Variants in HYCC2 observed in about 807,000 individuals in gnomAD.
HYCC2 encodes hyccin 2.
chr2:200,991,730 G>GT, the HYCC2 span, among the ~76,000 whole-genome samples: 1 of 148,804 alleles, frequency 6.7e-6, no homozygotes, highest in Non-Finnish European at 1.5e-5. Flanking sequence ...GAGAGACTTC[G>GT]TATCAAAAAC....
the HYCC2 span, chr2:201,009,185 G>A: frequency 1.5e-6 from 1 of 648,196 alleles, no homozygotes; most frequent in Non-Finnish European, 2.6e-6. Flanking sequence ...ATAAAAGGCA[G>A]TTTTGGATCA....
chr2:201,029,790 G>A, the HYCC2 span, among the ~76,000 whole-genome samples: 1 of 152,112 alleles, frequency 6.6e-6, no homozygotes, highest in Admixed American at 6.6e-5. Context: ...GAGGTGGGGG[G>A]ATGGGGGAAG....
the HYCC2 span, among the ~76,000 whole-genome samples, chr2:201,026,025 G>A: frequency 6.6e-6 from 1 of 152,108 alleles, no homozygotes; most frequent in Non-Finnish European, 1.5e-5. Context: ...CTGGCAAATT[G>A]GATAAAGAGT....
At chr2:201,013,783 T>C in the HYCC2 span, among the ~76,000 whole-genome samples, 2 of 152,244 alleles carry the variant, frequency 1.3e-5, no homozygotes, top group African/African-American at 4.8e-5. Context: ...TTAATTTTAT[T>C]CTTAAATTTC....
chr2:201,043,804 G>A, the HYCC2 span, among the ~76,000 whole-genome samples: 1 of 152,082 alleles, frequency 6.6e-6, no homozygotes, highest in Non-Finnish European at 1.5e-5. Flanking sequence ...CACCGCGCCT[G>A]GCCAAACATG....
At chr2:201,000,111 C>G in the HYCC2 span, among the ~76,000 whole-genome samples, 2 of 145,954 alleles carry the variant, frequency 1.4e-5, no homozygotes, top group Non-Finnish European at 3.0e-5. Context: ...GTAGGTCATT[C>G]CTGAAATCCC....
chr2:201,066,254 A>C, the HYCC2 span, among the ~76,000 whole-genome samples: 14 of 152,072 alleles, frequency 9.2e-5, no homozygotes, highest in African/African-American at 2.7e-4. Flanking sequence ...TTGTATTTTT[A>C]GTAGAGACAG....
At chr2:201,004,754 G>A in the HYCC2 span, among the ~76,000 whole-genome samples, 4 of 152,254 alleles carry the variant, frequency 2.6e-5, no homozygotes, top group South Asian at 2.1e-4. Flanking sequence ...AGTGGCTCAC[G>A]CCTGTAATCC....
the HYCC2 span, among the ~76,000 whole-genome samples, chr2:201,018,893 G>A: frequency 6.6e-6 from 1 of 152,164 alleles, no homozygotes; most frequent in Non-Finnish European, 1.5e-5. Flanking sequence ...ATTTGTCAAA[G>A]GTTGGTGAAG....
At chr2:201,063,631 G>C in the HYCC2 span, 1 of 1,578,314 alleles carries the variant, frequency 6.3e-7, no homozygotes, top group Non-Finnish European at 8.6e-7. Context: ...GAAAAGCCCT[G>C]TCAAAGCAAG....
chr2:201,070,884 A>AC, the HYCC2 span, among the ~76,000 whole-genome samples: 3 of 152,134 alleles, frequency 2.0e-5, no homozygotes, highest in African/African-American at 7.2e-5. Context: ...ACGAACTACA[A>AC]AACATGAACC....
the HYCC2 span, among the ~76,000 whole-genome samples, chr2:200,984,545 G>T: frequency 2.4e-3 from 364 of 152,324 alleles, 1 homozygote; most frequent in African/African-American, 8.1e-3. Flanking sequence ...GCAGAGTTCA[G>T]AATTACCAAG....
chr2:201,055,080 C>G, the HYCC2 span, among the ~76,000 whole-genome samples: 16 of 152,088 alleles, frequency 1.1e-4, 1 homozygote, highest in African/African-American at 3.1e-4. Flanking sequence ...GCATTTTTAA[C>G]CTCTAAAAGT....
At chr2:201,065,695 G>A in the HYCC2 span, among the ~76,000 whole-genome samples, 1 of 152,190 alleles carries the variant, frequency 6.6e-6, no homozygotes, top group South Asian at 2.1e-4. Flanking sequence ...GATAACATCA[G>A]GGTTCCAGCT....
chr2:200,975,810 T>G, the HYCC2 span: 1 of 152,104 alleles, frequency 6.6e-6, no homozygotes, highest in Non-Finnish European at 1.5e-5. Context: ...TGTGGTCAGG[T>G]TCAGAAGAAA....
At chr2:201,067,099 C>A in the HYCC2 span, 1 of 262,486 alleles carries the variant, frequency 3.8e-6, no homozygotes, top group Non-Finnish European at 7.6e-6. Flanking sequence ...GATCAAGACC[C>A]TGATCAGACC....
chr2:200,999,966 G>A, the HYCC2 span, among the ~76,000 whole-genome samples: 2 of 148,306 alleles, frequency 1.3e-5, no homozygotes, highest in South Asian at 2.1e-4. Flanking sequence ...GCTGAGGCAG[G>A]AGAATCACTC....
chr2:201,053,126 A>AT, the HYCC2 span, among the ~76,000 whole-genome samples: 100 of 146,570 alleles, frequency 6.8e-4, no homozygotes, highest in African/African-American at 7.2e-4. Context: ...AAATCTTAAA[A>AT]TTTTTTTTTT....
chr2:201,049,222 C>A, the HYCC2 span, among the ~76,000 whole-genome samples: 1 of 152,052 alleles, frequency 6.6e-6, no homozygotes, highest in Non-Finnish European at 1.5e-5. Flanking sequence ...ACCCACATCT[C>A]TCTCAGCAAA....
Sources: gnomAD v4.1 joint callset for allele counts (sites outside exome capture counted in the v4.1 genomes callset) on GRCh38, gnomAD v4.1.1 for gene constraint, MANE v1.5 for transcripts, NCBI Gene and HGNC (gene_info 2026-07-23, HGNC 2026-07-21) for gene names.